ADK: variants seen among roughly 807,000 people sequenced by gnomAD.
ADK encodes the protein N6,N6-dimethyladenosine kinase.
A neutral mutation model predicts 44.7 loss-of-function variants in ADK; 24 were observed. The ratio of observed to expected loss-of-function variants is 0.54; its 90% CI spans 0.39 to 0.76. The LOEUF is 0.76. Ranked by LOEUF, ADK falls within the 30% of genes least tolerant of loss-of-function variation. The pLI, the probability that ADK is intolerant of heterozygous loss-of-function variation, is 0.00. For missense variants in ADK, 321 were observed against 425.1 expected (o/e 0.76, Z 2.15); for synonymous variants, 128 against 142.6 (o/e 0.90, Z 0.73).
In ADK at chr10:74,151,348, G is replaced by A; in HGVS notation, c.65+5G>A. 6.5e-7 allele frequency: 1 copy of A among 1,549,534 alleles called. No homozygotes were observed. Among genetic ancestry groups the A allele is most frequent in the Non-Finnish European group, 8.7e-7 (1 of 1,146,778 alleles). On this transcript the variant is annotated splice_donor_5th_base_variant and intron_variant, in intron 1 of 10. Transcript: ENST00000539909. ...GGAGGCGCCGCAAGCGCTGAGGTGA[G>A]CGCTGCCGGACTTGGGGAGGAGGGT...
At chr10:74,194,911 A>G (rs1843067313) in intron 1 of ADK, among the ~76,000 whole-genome samples, 2 of 152,248 alleles carry the variant, frequency 1.3e-5, no homozygotes, top group Non-Finnish European at 2.9e-5. Context: ...GCTAATCAAC[A>G]TTCAAACATT....
rs61022417 is a variant in ADK, at chr10:74,239,715, C to CA, written c.194+15150dup. On this transcript the variant is annotated intron_variant, in intron 3 of 10. Coordinates refer to ENST00000539909, the MANE Select transcript of ADK (RefSeq NM_006721.4). Reference sequence around the variant, plus strand: ...TGGGTGAGAAAGTGAGACCTTGTCTCAAAAAAAAAAAAAAAAAAAAAAAAA... The same window carrying CA: ...TGGGTGAGAAAGTGAGACCTTGTCTCAAAAAAAAAAAAAAAAAAAAAAAAAA... 3.5e-3 allele frequency among the ~76,000 whole-genome samples: 300 copies of CA among 85,016 alleles called. 7 individuals carry two copies. Among genetic ancestry groups the CA allele is most frequent in the African/African-American group, 5.9e-3 (122 of 20,660 alleles). 55.8% of individuals were successfully genotyped at this position (85,016 alleles called of 152,430 possible). A position where few individuals can be genotyped will look rare whatever the true frequency, so the allele number is the denominator to read the frequency against.
rs140376165 is a variant in ADK, at chr10:74,701,767, A to C, written c.965-6554A>C. On this transcript the variant is annotated intron_variant, in intron 10 of 10. Coordinates refer to ENST00000539909, the MANE Select transcript of ADK (RefSeq NM_006721.4). Reference sequence around the variant, plus strand: ...TGAGACCAGCCCGTCCAACATGGTGAAACCCTATCTCTACTCAAAATACAA... The same window carrying C: ...TGAGACCAGCCCGTCCAACATGGTGCAACCCTATCTCTACTCAAAATACAA... Among the ~76,000 whole-genome samples, 513 of 152,274 alleles carry C rather than the reference A, an allele frequency of 3.4e-3. 5 individuals carry two copies. Among genetic ancestry groups the C allele is most frequent in the African/African-American group, 0.012 (496 of 41,550 alleles).
chr10:74,541,200 A>G (rs1208466811), intron 7 of ADK, among the ~76,000 whole-genome samples: 1 of 152,004 alleles, frequency 6.6e-6, no homozygotes, highest in Non-Finnish European at 1.5e-5. Flanking sequence ...TTACTAGTAG[A>G]GACGGGGTTT....
At chr10:74,366,898 C>G (rs1842515156) in intron 4 of ADK, among the ~76,000 whole-genome samples, 1 of 152,294 alleles carries the variant, frequency 6.6e-6, no homozygotes, top group East Asian at 1.9e-4. Flanking sequence ...CCTCTGCACT[C>G]CAGCCTAGGT....
chr10:74,397,241 G>A (rs1447053324), intron 5 of ADK, among the ~76,000 whole-genome samples: 1 of 150,820 alleles, frequency 6.6e-6, no homozygotes, highest in Non-Finnish European at 1.5e-5. Context: ...ATAAACAGAT[G>A]TATCCTTTAG....
chr10:74,291,785 A>C (rs1847448627), intron 3 of ADK, among the ~76,000 whole-genome samples: 1 of 150,690 alleles, frequency 6.6e-6, no homozygotes, highest in Admixed American at 6.7e-5. Context: ...ATTGATTCTA[A>C]TTTTGGCTAC....
At chr10:74,596,568 CAG>C (rs531917449) in intron 8 of ADK, among the ~76,000 whole-genome samples, 107 of 150,648 alleles carry the variant, frequency 7.1e-4, no homozygotes, top group Middle Eastern at 3.4e-3. Context: ...TTTTTTGAGA[CAG>C]GGTCTGGCTC....
chr10:74,288,004 GAA>G (rs1331300211), intron 3 of ADK, among the ~76,000 whole-genome samples: 1 of 145,138 alleles, frequency 6.9e-6, no homozygotes, highest in African/African-American at 2.6e-5. Flanking sequence ...AAAAAAAAGA[GAA>G]AAAAAAATTT....
intron 6 of ADK, among the ~76,000 whole-genome samples, chr10:74,524,290 T>G (rs1291720752): frequency 6.6e-6 from 1 of 152,254 alleles, no homozygotes; most frequent in African/African-American, 2.4e-5. Context: ...TTAAATATTT[T>G]TCTTTTGCAT....
intron 10 of ADK, among the ~76,000 whole-genome samples, chr10:74,708,034 C>T (rs138626621): frequency 0.046 from 6,991 of 151,606 alleles, 219 homozygotes; most frequent in African/African-American, 0.082. Flanking sequence ...GCCTGTAGTC[C>T]CAGCTATTCA....
At chr10:74,247,786 A>G (rs1467989470) in intron 3 of ADK, among the ~76,000 whole-genome samples, 4 of 152,148 alleles carry the variant, frequency 2.6e-5, no homozygotes, top group Non-Finnish European at 5.9e-5. Context: ...GCAAAGAAAT[A>G]GGTTCTTGTG....
chr10:74,278,779 C>G (rs1846802576), intron 3 of ADK, among the ~76,000 whole-genome samples: 1 of 152,208 alleles, frequency 6.6e-6, no homozygotes, highest in Non-Finnish European at 1.5e-5. Flanking sequence ...CTCAAGCGAT[C>G]TTCCCGTCTT....
At chr10:74,363,836 T>C (rs1842417965) in intron 4 of ADK, among the ~76,000 whole-genome samples, 1 of 152,194 alleles carries the variant, frequency 6.6e-6, no homozygotes, top group African/African-American at 2.4e-5. Context: ...TGCTGTGGGA[T>C]GGAGGTTGGC....
chr10:74,342,024 C>T lies in ADK; in HGVS notation c.273+27279C>T, dbSNP rs183795887. Among the ~76,000 whole-genome samples the T allele has an allele frequency of 3.9e-5, 6 of 152,152 alleles. No homozygotes were observed. In the East Asian group the frequency reaches 1.2e-3, roughly 29 times the overall value. On this transcript the variant is annotated intron_variant, in intron 4 of 10. Transcript: ENST00000539909. ...CATGCTAAGTAGCATGAAAAAAAAGCTTTATTGAGATAAATCAAATTTAGA... is the reference window on the plus strand; with the variant it reads ...CATGCTAAGTAGCATGAAAAAAAAGTTTTATTGAGATAAATCAAATTTAGA...
chr10:74,522,809 A>G (rs1848890397), intron 6 of ADK, among the ~76,000 whole-genome samples: 2 of 152,024 alleles, frequency 1.3e-5, no homozygotes, highest in Non-Finnish European at 1.5e-5. Context: ...TCTAGTTTCC[A>G]GTGCTCCCAC....
At chr10:74,576,805 A>C (rs767364005) in intron 7 of ADK, among the ~76,000 whole-genome samples, 1 of 152,146 alleles carries the variant, frequency 6.6e-6, no homozygotes, top group South Asian at 2.1e-4. Context: ...TTGATACCCA[A>C]GCAGAACTCA....
intron 1 of ADK, among the ~76,000 whole-genome samples, chr10:74,172,299 G>A (rs1204304559): frequency 6.6e-6 from 1 of 151,970 alleles, no homozygotes; most frequent in African/African-American, 2.4e-5. Context: ...GTCTCCCTAT[G>A]TTGCCCAAGC....
intron 7 of ADK, among the ~76,000 whole-genome samples, chr10:74,542,922 A>G (rs1051654119): frequency 6.6e-6 from 1 of 151,520 alleles, no homozygotes; most frequent in Non-Finnish European, 1.5e-5. Flanking sequence ...TTTTAATGAG[A>G]TGGAGTCTCG....
Sources: gnomAD v4.1 joint callset for allele counts (sites outside exome capture counted in the v4.1 genomes callset) on GRCh38, gnomAD v4.1.1 for gene constraint, MANE v1.5 for transcripts, NCBI Gene and HGNC (gene_info 2026-07-23, HGNC 2026-07-21) for gene names.